Variants in KLF12 observed in about 807,000 individuals in gnomAD.
KLF12 encodes KLF transcription factor 12.
Under a neutral mutation model 37.8 loss-of-function variants are expected in KLF12, and 9 were observed. That is an observed-to-expected ratio of 0.24 (90% CI 0.14 to 0.42). KLF12 has a LOEUF of 0.42. KLF12 is among the 10% of genes least tolerant of loss of function. KLF12 has a pLI of 1.00. For missense variants in KLF12, 411 were observed against 516.0 expected, an observed-to-expected ratio of 0.80 and a Z score of 1.97; for synonymous variants, 208 against 202.1, an observed-to-expected ratio of 1.03 and a Z score of -0.25.
intron 2 of KLF12, among the ~76,000 whole-genome samples, chr13:73,969,738 C>T (rs1234279293): frequency 1.3e-5 from 2 of 152,210 alleles, no homozygotes; most frequent in Non-Finnish European, 2.9e-5. Flanking sequence ...AATAAGTATT[C>T]AAGACATACA....
At chr13:73,898,691 A>G (rs910415325) in intron 3 of KLF12, among the ~76,000 whole-genome samples, 2 of 152,246 alleles carry the variant, frequency 1.3e-5, no homozygotes, top group Admixed American at 6.5e-5. Context: ...ATAGGTCCCA[A>G]TAGAATCTCT....
chr13:74,249,458 G>A, the KLF12 span, among the ~76,000 whole-genome samples: 1 of 151,776 alleles, frequency 6.6e-6, no homozygotes, highest in East Asian at 1.9e-4. Flanking sequence ...GGATATGCGA[G>A]TCCAGATCAT....
At chr13:74,277,364 A>G in the KLF12 span, among the ~76,000 whole-genome samples, 1 of 152,262 alleles carries the variant, frequency 6.6e-6, no homozygotes, top group Non-Finnish European at 1.5e-5. Context: ...GACCTGCCCA[A>G]CAGGATGTGG....
At position 73,846,354 on chromosome 13, in the gene KLF12, T is replaced by G. The variant is rs915582199; in HGVS notation, c.143A>C (p.Tyr48Ser). Residue 48 changes from tyrosine (Y) to serine (S), a missense_variant, in exon 4 of 8, where the codon TAT (tyrosine) becomes TCT (serine). Physicochemically the swap from Tyr to Ser is moderately radical, Grantham distance 144. This residue lies in a region of KLF12 where 351 missense variants were observed against 397.8 expected (regional missense o/e 0.88). Transcript: ENST00000377669. Reference sequence around the variant, plus strand: ...CAGGGGAACGGCTTCCATATCGGGATAGTTGTGGACGTTTGGAGACTGTGG... The same window carrying G: ...CAGGGGAACGGCTTCCATATCGGGAGAGTTGTGGACGTTTGGAGACTGTGG... 1 of 1,613,264 alleles carries G rather than the reference T, an allele frequency of 6.2e-7. No individual in the cohort carries two copies. The highest frequency in any genetic ancestry group is 1.3e-5 in the African/African-American group (1 of 75,014).
At chr13:73,730,654 A>C (rs1294417710) in intron 6 of KLF12, among the ~76,000 whole-genome samples, 1 of 152,110 alleles carries the variant, frequency 6.6e-6, no homozygotes, top group Non-Finnish European at 1.5e-5. Flanking sequence ...GGGCAAGCTT[A>C]ATAGAGGACA....
At chr13:74,012,467 C>A (rs761882156) in intron 1 of KLF12, among the ~76,000 whole-genome samples, 2 of 152,178 alleles carry the variant, frequency 1.3e-5, no homozygotes, top group Non-Finnish European at 2.9e-5. Context: ...AAAATGTCAC[C>A]TATTTTATAT....
intron 3 of KLF12, among the ~76,000 whole-genome samples, chr13:73,912,902 T>C (rs73524891): frequency 0.013 from 2,034 of 152,162 alleles, 38 homozygotes; most frequent in African/African-American, 0.045. Flanking sequence ...GGCTTCATCC[T>C]CTGGCTTCTC....
chr13:74,204,201 T>G, the KLF12 span, among the ~76,000 whole-genome samples: 1 of 152,186 alleles, frequency 6.6e-6, no homozygotes, highest in Admixed American at 6.6e-5. Flanking sequence ...ATCTGTAGGA[T>G]GAGGATGTTG....
chr13:74,012,297 C>G (rs1892570504), intron 1 of KLF12, among the ~76,000 whole-genome samples: 1 of 152,160 alleles, frequency 6.6e-6, no homozygotes, highest in South Asian at 2.1e-4. Context: ...GTCATTCGTG[C>G]ACAGCCATGT....
chr13:74,281,552 T>G, the KLF12 span, among the ~76,000 whole-genome samples: 1 of 152,226 alleles, frequency 6.6e-6, no homozygotes, highest in African/African-American at 2.4e-5. Context: ...CTTTCAACTA[T>G]GTCAAAGCTA....
At chr13:73,700,528 C>T (rs1374160605) in intron 7 of KLF12, among the ~76,000 whole-genome samples, 2 of 151,780 alleles carry the variant, frequency 1.3e-5, no homozygotes, top group South Asian at 2.1e-4. Flanking sequence ...TAATATTCTT[C>T]GCTCCCATTG....
At position 73,789,901 on chromosome 13, in the gene KLF12, C is replaced by A. The variant is rs1437247808; in HGVS notation, c.806+23251G>T. Among the ~76,000 whole-genome samples, 3 of 152,278 alleles carry A rather than the reference C, an allele frequency of 2.0e-5. No homozygotes were observed. In the East Asian group the frequency reaches 5.8e-4, roughly 29 times the overall value. ...CCGTGTTAGCCAGGATGGTCTCGATCTCCTGACCTTGTGATCCGCCCACCT... is the reference window on the plus strand; with the variant it reads ...CCGTGTTAGCCAGGATGGTCTCGATATCCTGACCTTGTGATCCGCCCACCT... On this transcript the variant is annotated intron_variant, in intron 5 of 7. Coordinates refer to ENST00000377669, the MANE Select transcript of KLF12 (RefSeq NM_007249.5).
chr13:73,752,215 T>C (rs1878810075), intron 6 of KLF12, among the ~76,000 whole-genome samples: 1 of 152,096 alleles, frequency 6.6e-6, no homozygotes, highest in African/African-American at 2.4e-5. Context: ...ACTCCTGAGC[T>C]CAAGAGATCC....
Position 73,933,443 on chromosome 13 carries a change from TA to T in KLF12, c.123+10537del, listed in dbSNP as rs1889775362. On this transcript the variant is annotated intron_variant, in intron 3 of 7. Coordinates refer to ENST00000377669, the MANE Select transcript of KLF12 (RefSeq NM_007249.5). The stretch of plus-strand genomic sequence containing the variant: ...TTCTCTTGATAGGTTTTTTTATAGA[TA>T]TTTAAATTTTTCTAAAATAAAATGT... Among the ~76,000 whole-genome samples the T allele has an allele frequency of 3.9e-5, 6 of 152,326 alleles. No individual in the cohort carries two copies. The South Asian group carries it at 1.2e-3, about 32-fold the overall frequency.
intron 6 of KLF12, among the ~76,000 whole-genome samples, chr13:73,742,014 T>C (rs937798976): frequency 2.5e-5 from 2 of 81,206 alleles, no homozygotes; most frequent in African/African-American, 6.3e-5. Context: ...ACGTTGACCT[T>C]TTACAAGAGG....
chr13:74,223,849 A>C, the KLF12 span, among the ~76,000 whole-genome samples: 1 of 152,112 alleles, frequency 6.6e-6, no homozygotes, highest in Non-Finnish European at 1.5e-5. Context: ...TTTGATCATC[A>C]GTCATCATGT....
At chr13:74,176,690 G>T in the KLF12 span, among the ~76,000 whole-genome samples, 13,051 of 152,058 alleles carry the variant, frequency 0.086, 780 homozygotes, top group Non-Finnish European at 0.13. Flanking sequence ...AATTTTGTTA[G>T]CCTCTTTGGA....
At chr13:73,978,740 A>G (rs2138162451) in intron 2 of KLF12, among the ~76,000 whole-genome samples, 1 of 152,336 alleles carries the variant, frequency 6.6e-6, no homozygotes, top group East Asian at 1.9e-4. Context: ...TAGCAGTGTT[A>G]CTTACAGTTG....
chr13:73,992,879 T>C (rs571152046), intron 2 of KLF12, among the ~76,000 whole-genome samples: 11 of 152,318 alleles, frequency 7.2e-5, no homozygotes, highest in African/African-American at 2.4e-4. Context: ...AGCATCAATG[T>C]ATTCTCTGTT....
Sources: allele counts gnomAD v4.1 joint callset (sites outside exome capture counted in the v4.1 genomes callset), GRCh38; gene constraint gnomAD v4.1.1; regional missense constraint gnomAD v4.1.1; transcripts MANE v1.5; gene names NCBI Gene and HGNC (gene_info 2026-07-23, HGNC 2026-07-21).